The following SHISA2 variants were observed in gnomAD, a reference collection of about 807,000 sequenced individuals.
SHISA2 encodes shisa family member 2.
SHISA2 carries 16 observed loss-of-function variants against 23.8 expected under a neutral mutation model. The ratio of observed to expected loss-of-function variants is 0.67; its 90% CI spans 0.46 to 1.02. The LOEUF is 1.02. Among genes scored for constraint, SHISA2 ranks in the 50% least tolerant of loss-of-function variants. The probability of loss-of-function intolerance (pLI) is 0.00; values close to 1 mark genes in which losing one functional copy is unlikely to be tolerated. For missense variants in SHISA2, 459 were observed against 420.1 expected, an observed-to-expected ratio of 1.09 and a Z score of -0.81; for synonymous variants, 201 against 178.6, an observed-to-expected ratio of 1.13 and a Z score of -1.00.
In SHISA2 at chr13:26,050,972, A is replaced by G; in HGVS notation, c.4T>C (p.Trp2Arg). M[W>R]GARRSSVSSS... ...GAGACGGACGAGCGGCGAGCGCCCC[A>G]CATGGCACCACCCTGGGCGCGGACA... The change falls in exon 1 of 2, where the codon TGG becomes CGG. Residue 2 changes from tryptophan to arginine, a missense_variant. By Grantham distance (101) the Trp-to-Arg change is moderately radical. Transcript: ENST00000319420. The G allele has an allele frequency of 2.7e-6, 4 of 1,506,254 alleles. No individual in the cohort carries two copies. The highest frequency in any genetic ancestry group is 3.5e-6 in the Non-Finnish European group (4 of 1,135,096). The allele number at this position is 1,506,254 out of a possible 1,614,324, so 93.3% of individuals were successfully genotyped here.
In SHISA2 at chr13:26,051,416, G is replaced by A. The variant is rs1001389064; in HGVS notation, c.-441C>T. Among the ~76,000 whole-genome samples the A allele has an allele frequency of 6.6e-6, 1 of 152,190 alleles. No individual in the cohort carries two copies. Among genetic ancestry groups the A allele is most frequent in the African/African-American group, 2.4e-5 (1 of 41,464 alleles). ...CAGGGTTTAAGCCTCAGGGTCCCGC[G>A]CGCGAATCAGGGCCCGTCTCCCCTC... On this transcript the variant is annotated 5_prime_UTR_variant, in exon 1 of 2. Transcript: ENST00000319420.
chr13:26,049,574 AC>A (rs1957286869), intron 1 of SHISA2, among the ~76,000 whole-genome samples: 1 of 151,970 alleles, frequency 6.6e-6, no homozygotes, highest in African/African-American at 2.4e-5. Context: ...TTCTGGAATT[AC>A]GCTCTCTTCA....
Position 26,050,898 on chromosome 13 carries a change from C to T in SHISA2, c.78G>A (p.Leu26=). The T allele has an allele frequency of 6.6e-7, 1 of 1,518,946 alleles. No homozygotes were observed. Among genetic ancestry groups the T allele is most frequent in the Non-Finnish European group, 8.8e-7 (1 of 1,140,850 alleles). 94.1% of individuals were successfully genotyped at this position (1,518,946 alleles called of 1,614,324 possible). The change falls in exon 1 of 2, where the codon CTG becomes CTA. Residue 26 remains leucine (L), a synonymous_variant. Coordinates refer to ENST00000319420, the MANE Select transcript of SHISA2 (RefSeq NM_001007538.2). Reference sequence around the variant, plus strand: ...CGCTGGCCCTCGCCCCCGCCGCCAGCAGCGCAGCCAGCAGCAGCTGCAGGA... The same window carrying T: ...CGCTGGCCCTCGCCCCCGCCGCCAGTAGCGCAGCCAGCAGCAGCTGCAGGA... The part of the protein sequence containing the change: ...ASLLQLLLAA[L]LAAGARASGE...
Position 26,050,925 on chromosome 13 carries a change from C to G in SHISA2, c.51G>C (p.Ser17=). The G allele has an allele frequency of 6.6e-7, 1 of 1,520,346 alleles. No individual in the cohort carries two copies. The highest frequency in any genetic ancestry group is 8.8e-7 in the Non-Finnish European group (1 of 1,141,374). 94.2% of individuals were successfully genotyped at this position (1,520,346 alleles called of 1,614,324 possible). The part of the protein sequence containing the change: ...SSVSSSWNAA[S]LLQLLLAALL... ...GCGCAGCCAGCAGCAGCTGCAGGAGCGAAGCGGCGTTCCAGGATGAGGAGA... is the reference window on the plus strand; with the variant it reads ...GCGCAGCCAGCAGCAGCTGCAGGAGGGAAGCGGCGTTCCAGGATGAGGAGA... The change falls in exon 1 of 2, where the codon TCG becomes TCC. Residue 17 remains serine, a synonymous_variant. Transcript: ENST00000319420.
At chr13:26,049,122 C>T (rs975167767) in intron 1 of SHISA2, among the ~76,000 whole-genome samples, 1 of 152,178 alleles carries the variant, frequency 6.6e-6, no homozygotes, top group Non-Finnish European at 1.5e-5. Flanking sequence ...CCAATCATAG[C>T]AGAAACTAGC....
At chr13:26,049,371 A>G (rs1214894648) in intron 1 of SHISA2, among the ~76,000 whole-genome samples, 3 of 152,226 alleles carry the variant, frequency 2.0e-5, no homozygotes, top group Non-Finnish European at 4.4e-5. Flanking sequence ...TGCACAACAC[A>G]GGGCGTCATG....
chr13:26,050,701 C>A lies in SHISA2; in HGVS notation c.275G>T (p.Arg92Leu). The A allele has an allele frequency of 6.8e-7, 1 of 1,476,070 alleles. No individual in the cohort carries two copies. The highest frequency in any genetic ancestry group is 8.9e-7 in the Non-Finnish European group (1 of 1,120,886). The allele number at this position is 1,476,070 out of a possible 1,614,324, so 91.4% of individuals were successfully genotyped here. ...GCCAGGCTCGCCAGCGCCCTGCTGG[C>A]GGTCATTGTCGCAGCCGCCCTGGTC... ...RLDQGGCDNDRQQGAGEPGRA... is the reference protein window; with the variant it reads ...RLDQGGCDNDLQQGAGEPGRA... The change falls in exon 1 of 2, where the codon CGC becomes CTC. Residue 92 changes from arginine to leucine, a missense_variant. Transcript: ENST00000319420.
Position 26,048,502 on chromosome 13 carries a change from T to C in SHISA2, c.335-1436A>G, listed in dbSNP as rs148626950. Among the ~76,000 whole-genome samples the C allele has an allele frequency of 3.1e-3, 474 of 152,232 alleles. 1 individual carries two copies. The highest frequency in any genetic ancestry group is 0.011 in the African/African-American group (452 of 41,530). On this transcript the variant is annotated intron_variant, in intron 1 of 1. Coordinates refer to ENST00000319420, the MANE Select transcript of SHISA2 (RefSeq NM_001007538.2). Reference sequence around the variant, plus strand: ...AGAGCCTGCATTTTCTGATGTGTTCTTGCCCCAACCTCCTGGCTATATTTT... The same window carrying C: ...AGAGCCTGCATTTTCTGATGTGTTCCTGCCCCAACCTCCTGGCTATATTTT...
intron 1 of SHISA2, among the ~76,000 whole-genome samples, chr13:26,047,448 T>C (rs750157030): frequency 5.3e-5 from 8 of 152,258 alleles, no homozygotes; most frequent in African/African-American, 1.2e-4. Context: ...TGCCCGACCA[T>C]ATTGTTGTAG....
At chr13:26,047,208 T>C (rs1957274820) in intron 1 of SHISA2, 142 bp from the exon 2 acceptor site, 1 of 899,042 alleles carries the variant, frequency 1.1e-6, no homozygotes. Context: ...TGTTCACATA[T>C]TAGGAGTCCA....
At chr13:26,047,819 A>G (rs952716457) in intron 1 of SHISA2, among the ~76,000 whole-genome samples, 1 of 152,192 alleles carries the variant, frequency 6.6e-6, no homozygotes, top group Admixed American at 6.5e-5. Context: ...AAACATCAGG[A>G]GCAACAAGAC....
At position 26,051,050 on chromosome 13, in the gene SHISA2, C is replaced by T; in HGVS notation, c.-75G>A. 1 of 1,306,376 alleles carries T rather than the reference C, an allele frequency of 7.7e-7. No homozygotes were observed. The highest frequency in any genetic ancestry group is 1.0e-6 in the Non-Finnish European group (1 of 1,000,464). 80.9% of individuals were successfully genotyped at this position (1,306,376 alleles called of 1,614,324 possible). On this transcript the variant is annotated 5_prime_UTR_variant, in exon 1 of 2. Coordinates refer to ENST00000319420, the MANE Select transcript of SHISA2 (RefSeq NM_001007538.2). ...CTCCGAGAAGTCGTGGCCCCGGCGA[C>T]CCCCGGGCCTCGTCACTGACTGTCC...
chr13:26,050,957 AG>A lies in SHISA2; in HGVS notation c.18del (p.Ser7ArgfsTer154). On this transcript the variant is annotated frameshift_variant, in exon 1 of 2. Coordinates refer to ENST00000319420, the MANE Select transcript of SHISA2 (RefSeq NM_001007538.2). LOFTEE classifies it high-confidence loss of function. MWGAR[R>X]SSVSSSWNAA... Reference sequence around the variant, plus strand: ...GCGTTCCAGGATGAGGAGACGGACGAGCGGCGAGCGCCCCACATGGCACCAC... The same window carrying A: ...GCGTTCCAGGATGAGGAGACGGACGACGGCGAGCGCCCCACATGGCACCAC... 4 of 1,512,752 alleles carry A rather than the reference AG, an allele frequency of 2.6e-6. No homozygotes were observed. Among genetic ancestry groups the A allele is most frequent in the Non-Finnish European group, 3.5e-6 (4 of 1,137,964 alleles). 93.7% of individuals were successfully genotyped at this position (1,512,752 alleles called of 1,614,324 possible).
At chr13:26,050,469 G>A (rs1349006349) in intron 1 of SHISA2, among the ~76,000 whole-genome samples, 173 bp downstream of exon 1, 4 of 152,214 alleles carry the variant, frequency 2.6e-5, no homozygotes, top group African/African-American at 9.6e-5. Flanking sequence ...GAGAAACTGA[G>A]GCCCGTGAGG....
intron 1 of SHISA2, among the ~76,000 whole-genome samples, chr13:26,049,202 T>C (rs955542945): frequency 3.3e-5 from 5 of 152,132 alleles, no homozygotes; most frequent in African/African-American, 1.2e-4. Context: ...GATTTTTAAT[T>C]GGAAATGTAA....
rs901444820 is a variant in SHISA2, at chr13:26,050,813, G to C, written c.163C>G (p.Pro55Ala). 9.1e-6 allele frequency: 14 copies of C among 1,541,202 alleles called. No homozygotes were observed. The highest frequency in any genetic ancestry group is 1.4e-5 in the African/African-American group (1 of 70,952). ...QGVWRIGFQCPERFDGGDATI... is the reference protein window; with the variant it reads ...QGVWRIGFQCAERFDGGDATI... ...GCGTCGCCGCCGTCGAAGCGCTCGGGACACTGGAAGCCGATGCGCCAGACG... is the reference window on the plus strand; with the variant it reads ...GCGTCGCCGCCGTCGAAGCGCTCGGCACACTGGAAGCCGATGCGCCAGACG... Residue 55 changes from proline (P) to alanine (A), a missense_variant, in exon 1 of 2, where the codon CCC (proline) becomes GCC (alanine). Transcript: ENST00000319420.
In SHISA2 at chr13:26,045,756, G is replaced by C. The variant is rs576108688; in HGVS notation, c.*757C>G. ...CTTTTAGAATAGTCCTGTTATTTGCGTCTTCCCCTTAACCTTGGATGCATT... is the reference window on the plus strand; with the variant it reads ...CTTTTAGAATAGTCCTGTTATTTGCCTCTTCCCCTTAACCTTGGATGCATT... On this transcript the variant is annotated 3_prime_UTR_variant, in exon 2 of 2. Transcript: ENST00000319420. 2.0e-5 allele frequency: 3 copies of C among 151,286 alleles called. No individual in the cohort carries two copies. The highest frequency in any genetic ancestry group is 4.4e-5 in the Non-Finnish European group (3 of 67,922). The allele number at this position is 151,286 out of a possible 1,614,324, so 9.4% of individuals were successfully genotyped here.
chr13:26,051,135 C>T lies in SHISA2; in HGVS notation c.-160G>A, dbSNP rs1360085247. On this transcript the variant is annotated 5_prime_UTR_variant, in exon 1 of 2. Transcript: ENST00000319420. ...CGCGACGCCCAGGAGGCGACGACGCCGGGCCCTAGGTCCAGGAGCTCCTAA... is the reference window on the plus strand; with the variant it reads ...CGCGACGCCCAGGAGGCGACGACGCTGGGCCCTAGGTCCAGGAGCTCCTAA... 6.4e-6 allele frequency: 4 copies of T among 625,174 alleles called. No homozygotes were observed. Among genetic ancestry groups the T allele is most frequent in the Non-Finnish European group, 1.0e-5 (4 of 389,094 alleles). 38.7% of individuals were successfully genotyped at this position (625,174 alleles called of 1,614,324 possible).
chr13:26,050,473 C>T (rs887320558), intron 1 of SHISA2, among the ~76,000 whole-genome samples, 169 bp downstream of exon 1: 1 of 152,188 alleles, frequency 6.6e-6, no homozygotes, highest in Non-Finnish European at 1.5e-5. Context: ...AACTGAGGCC[C>T]GTGAGGGTGA....
Sources: allele counts gnomAD v4.1 joint callset (sites outside exome capture counted in the v4.1 genomes callset), GRCh38; gene constraint gnomAD v4.1.1; transcripts MANE v1.5; gene names NCBI Gene and HGNC (gene_info 2026-07-23, HGNC 2026-07-21).